The following TAF4B variants were observed in gnomAD, a reference collection of about 807,000 sequenced individuals.
The protein encoded by TAF4B is transcription initiation factor TFIID subunit 4B.
In TAF4B, 38 loss-of-function variants were observed where a neutral mutation model predicts 86.4. The ratio of observed to expected loss-of-function variants is 0.44; its 90% CI spans 0.34 to 0.58. The LOEUF (loss-of-function observed/expected upper bound fraction) is 0.58, where lower values mean the gene tolerates loss of function less well. Ranked by LOEUF, TAF4B falls within the 20% of genes least tolerant of loss-of-function variation. The pLI, the probability that TAF4B is intolerant of heterozygous loss-of-function variation, is 0.02. For synonymous variants in TAF4B, 388 were observed against 391.2 expected (o/e 0.99, Z 0.10); for missense variants, 988 against 1,027.6 (o/e 0.96, Z 0.53).
intron 12 of TAF4B, among the ~76,000 whole-genome samples, chr18:26,328,879 G>A (rs1255640238): frequency 7.9e-5 from 12 of 151,872 alleles, no homozygotes; most frequent in Admixed American, 7.9e-4. Context: ...GCCTCCCAAA[G>A]TTCTGGGATT....
intron 1 of TAF4B, among the ~76,000 whole-genome samples, chr18:26,242,663 C>G (rs1009986180): frequency 6.6e-6 from 1 of 152,186 alleles, no homozygotes; most frequent in African/African-American, 2.4e-5. Flanking sequence ...TTAGTTGATG[C>G]AGTTTCTTCC....
At chr18:26,241,034 T>C (rs2055830557) in intron 1 of TAF4B, among the ~76,000 whole-genome samples, 1 of 152,166 alleles carries the variant, frequency 6.6e-6, no homozygotes, top group South Asian at 2.1e-4. Context: ...GGGGTATTGG[T>C]CTAAAATTCT....
intron 14 of TAF4B, among the ~76,000 whole-genome samples, chr18:26,362,825 CAT>C (rs571255089): frequency 7.8e-4 from 119 of 152,260 alleles, no homozygotes; most frequent in Middle Eastern, 3.4e-3. Flanking sequence ...GTTCTGTCCA[CAT>C]CTGTGTATTC....
intron 11 of TAF4B, among the ~76,000 whole-genome samples, chr18:26,322,240 C>A (rs1051516342): frequency 6.6e-6 from 1 of 152,004 alleles, no homozygotes; most frequent in African/African-American, 2.4e-5. Context: ...TACTACACCA[C>A]CAGTAAGTTC....
rs376271991 is a variant in TAF4B at position 26,271,301 on chromosome 18, A to G, written c.598-3362A>G. Among the ~76,000 whole-genome samples the G allele has an allele frequency of 4.6e-5, 7 of 152,352 alleles. No individual in the cohort carries two copies. The East Asian group carries it at 1.2e-3, about 25-fold the overall frequency. ...GTTCACTTTTACCTTGTATTTGATGAAGATGTAGTTTGGCCCATTGTTAGA... is the reference window on the plus strand; with the variant it reads ...GTTCACTTTTACCTTGTATTTGATGGAGATGTAGTTTGGCCCATTGTTAGA... On this transcript the variant is annotated intron_variant, in intron 3 of 14. Coordinates refer to ENST00000269142, the MANE Select transcript of TAF4B (RefSeq NM_005640.3).
chr18:26,379,887 C>T (rs868359340), intron 14 of TAF4B, among the ~76,000 whole-genome samples: 40 of 152,136 alleles, frequency 2.6e-4, no homozygotes, highest in Admixed American at 2.3e-3. Context: ...CATCTTTTAT[C>T]CATTTATACA....
chr18:26,359,287 G>T (rs73946380), intron 14 of TAF4B, among the ~76,000 whole-genome samples: 10,554 of 152,144 alleles, frequency 0.069, 1,139 homozygotes, highest in African/African-American at 0.23. Flanking sequence ...GTTGTTTCCA[G>T]GTTTTTGCCT....
chr18:26,239,819 TC>T, intron 1 of TAF4B, among the ~76,000 whole-genome samples: 1 of 152,344 alleles, frequency 6.6e-6, no homozygotes, highest in South Asian at 2.1e-4. Flanking sequence ...TAGCCAGTTT[TC>T]CCAGCACCAT....
intron 13 of TAF4B, among the ~76,000 whole-genome samples, chr18:26,338,535 A>T (rs1439255552): frequency 1.4e-5 from 2 of 141,380 alleles, no homozygotes; most frequent in African/African-American, 5.4e-5. Flanking sequence ...CTGGAGTGCA[A>T]TGGCACGATC....
intron 5 of TAF4B, among the ~76,000 whole-genome samples, chr18:26,278,602 C>T (rs1220757693): frequency 7.1e-6 from 1 of 141,426 alleles, no homozygotes; most frequent in African/African-American, 2.6e-5. Flanking sequence ...AGCCACTGTG[C>T]TTGGCCTTCT....
intron 1 of TAF4B, among the ~76,000 whole-genome samples, chr18:26,242,393 A>G (rs1348644029): frequency 1.3e-5 from 2 of 152,114 alleles, no homozygotes; most frequent in Non-Finnish European, 1.5e-5. Flanking sequence ...TTTATTAGAG[A>G]CTAGGATTGC....
Position 26,327,012 on chromosome 18 carries a change from C to G in TAF4B, c.2134-3C>G, listed in dbSNP as rs753119939. On this transcript the variant is annotated splice_region_variant and splice_polypyrimidine_tract_variant and intron_variant, in intron 11 of 14. Transcript: ENST00000269142. ...AGACTTTCTGTTTTCTTTTTTTTCC[C>G]AGGCAAGTGAAAATTACATCCTGTG... 9.9e-6 allele frequency: 16 copies of G among 1,608,872 alleles called. No individual in the cohort carries two copies. In the East Asian group the frequency reaches 3.6e-4, roughly 36 times the overall value.
At chr18:26,281,518 T>G (rs1231876008) in intron 5 of TAF4B, among the ~76,000 whole-genome samples, 1 of 152,224 alleles carries the variant, frequency 6.6e-6, no homozygotes, top group Non-Finnish European at 1.5e-5. Flanking sequence ...CTACTAATTC[T>G]GGAAATGTTG....
chr18:26,380,682 G>T (rs570253396), intron 14 of TAF4B, among the ~76,000 whole-genome samples: 164 of 152,162 alleles, frequency 1.1e-3, no homozygotes, highest in African/African-American at 3.6e-3. Flanking sequence ...AGCCATGTCA[G>T]CTTTCTCACC....
chr18:26,334,764 AAT>A (rs1182338700), intron 12 of TAF4B, among the ~76,000 whole-genome samples: 1 of 152,204 alleles, frequency 6.6e-6, no homozygotes, highest in Non-Finnish European at 1.5e-5. Flanking sequence ...TAGTCCTCGA[AAT>A]ACCTATGTTT....
chr18:26,358,671 C>T, intron 14 of TAF4B, among the ~76,000 whole-genome samples: 1 of 152,168 alleles, frequency 6.6e-6, no homozygotes, highest in African/African-American at 2.4e-5. Flanking sequence ...GATCGCGCCA[C>T]TGCACTCCAG....
At chr18:26,338,181 C>T (rs1184329345) in intron 13 of TAF4B, among the ~76,000 whole-genome samples, 1 of 152,096 alleles carries the variant, frequency 6.6e-6, no homozygotes, top group African/African-American at 2.4e-5. Flanking sequence ...GGTGTAGTGG[C>T]TTACACCTGT....
At chr18:26,288,112 G>A (rs1400758838) in intron 7 of TAF4B, among the ~76,000 whole-genome samples, 2 of 152,142 alleles carry the variant, frequency 1.3e-5, no homozygotes, top group African/African-American at 4.8e-5. Context: ...CCTCTTTTTG[G>A]TAGCACTGAA....
At chr18:26,299,530 T>C (rs904624180) in intron 9 of TAF4B, among the ~76,000 whole-genome samples, 2 of 152,144 alleles carry the variant, frequency 1.3e-5, no homozygotes, top group African/African-American at 4.8e-5. Flanking sequence ...TGTGATTATA[T>C]TGGCTTAAAA....
Sources: allele counts gnomAD v4.1 joint callset (sites outside exome capture counted in the v4.1 genomes callset), GRCh38; gene constraint gnomAD v4.1.1; transcripts MANE v1.5; gene names NCBI Gene and HGNC (gene_info 2026-07-23, HGNC 2026-07-21).